The following RBFOX2 variants were observed in gnomAD, a reference collection of about 807,000 sequenced individuals.
RBFOX2 encodes the protein RNA binding fox-1 homolog 2.
Under a neutral mutation model 49.1 loss-of-function variants are expected in RBFOX2, and 10 were observed. The observed-to-expected ratio is 0.20, with a 90% CI of 0.13 to 0.35. The LOEUF (loss-of-function observed/expected upper bound fraction) is 0.35. Ranked by LOEUF, RBFOX2 falls within the 10% of genes least tolerant of loss-of-function variation. The pLI is 1.00. For synonymous variants in RBFOX2, 183 were observed against 187.4 expected (o/e 0.98, Z 0.19); for missense variants, 323 against 486.9 (o/e 0.66, Z 3.17).
intron 1 of RBFOX2, among the ~76,000 whole-genome samples, chr22:35,860,349 T>C (rs1038938321): frequency 1.3e-5 from 2 of 152,202 alleles, no homozygotes; most frequent in African/African-American, 4.8e-5. Context: ...CCAGATCAAC[T>C]AACCTGCCAA....
intron 2 of RBFOX2, among the ~76,000 whole-genome samples, chr22:35,807,300 A>G (rs887044583): frequency 1.3e-5 from 2 of 152,212 alleles, no homozygotes; most frequent in Non-Finnish European, 2.9e-5. Flanking sequence ...GGGACATTTC[A>G]TATTGATGAA....
intron 1 of RBFOX2, among the ~76,000 whole-genome samples, chr22:35,900,578 T>C (rs961367730): frequency 6.7e-6 from 1 of 149,602 alleles, no homozygotes; most frequent in Non-Finnish European, 1.5e-5. Context: ...ATGAGTATTG[T>C]CTATGAAGCT....
chr22:35,870,258 C>T (rs1181946960), intron 1 of RBFOX2, among the ~76,000 whole-genome samples: 3 of 152,138 alleles, frequency 2.0e-5, no homozygotes, highest in African/African-American at 7.2e-5. Flanking sequence ...CTTGCCATCC[C>T]AGCACTTTGG....
chr22:35,868,859 C>T (rs1396909451), intron 1 of RBFOX2, among the ~76,000 whole-genome samples: 2 of 152,196 alleles, frequency 1.3e-5, no homozygotes, highest in South Asian at 2.1e-4. Flanking sequence ...ACAATTCCTT[C>T]TTTAAGGTAT....
intron 2 of RBFOX2, among the ~76,000 whole-genome samples, chr22:35,784,923 C>T (rs1946082601): frequency 6.6e-6 from 1 of 152,218 alleles, no homozygotes; most frequent in Non-Finnish European, 1.5e-5. Flanking sequence ...AGGTGGCGAC[C>T]CACTCCACAG....
At chr22:35,992,544 A>C (rs540385177) in intron 1 of RBFOX2, 2 of 152,270 alleles carry the variant, frequency 1.3e-5, no homozygotes, top group Non-Finnish European at 2.9e-5. Context: ...AAAAAAATGA[A>C]ATCAAATGGT....
At chr22:35,997,182 C>CT (rs2058227667) in intron 1 of RBFOX2, 1 of 152,232 alleles carries the variant, frequency 6.6e-6, no homozygotes, top group Admixed American at 6.5e-5. Context: ...CCTGGGCTTA[C>CT]AGCTCAAATG....
intron 1 of RBFOX2, among the ~76,000 whole-genome samples, chr22:36,021,700 C>T (rs938036572): frequency 5.3e-5 from 8 of 152,202 alleles, no homozygotes; most frequent in African/African-American, 7.2e-5. Flanking sequence ...TAAATGACTT[C>T]CCAAACTACT....
intron 1 of RBFOX2, among the ~76,000 whole-genome samples, chr22:35,868,373 C>T (rs572736650): frequency 6.6e-6 from 1 of 152,286 alleles, no homozygotes; most frequent in South Asian, 2.1e-4. Context: ...TGTAGGTTAA[C>T]ACCATAGTGC....
intron 1 of RBFOX2, among the ~76,000 whole-genome samples, chr22:35,990,483 G>A (rs530780928): frequency 6.6e-6 from 1 of 152,288 alleles, no homozygotes; most frequent in South Asian, 2.1e-4. Context: ...GAGGCAGTGG[G>A]GGTAATTAAA....
rs184669744 is a variant in RBFOX2, at chr22:35,906,786, G to C, written c.-34+32061C>G. Among the ~76,000 whole-genome samples, 68 of 152,224 alleles carry C rather than the reference G, an allele frequency of 4.5e-4. No individual in the cohort carries two copies. In the East Asian group the frequency reaches 7.5e-3, roughly 17 times the overall value. On this transcript the variant is annotated intron_variant, in intron 1 of 13. Coordinates refer to the RBFOX2 transcript ENST00000359369. ...GCCAAGATCACGCCACTGCATCCCA[G>C]CCTGGCCAACAGAGCAAGACTCTGT...
intron 1 of RBFOX2, among the ~76,000 whole-genome samples, chr22:36,027,285 C>T: frequency 6.6e-6 from 1 of 152,182 alleles, no homozygotes; most frequent in East Asian, 1.9e-4. Flanking sequence ...CATCCTATGA[C>T]TCCGAGAGAA....
chr22:35,989,875 G>A (rs539557373), intron 1 of RBFOX2, among the ~76,000 whole-genome samples: 1 of 152,200 alleles, frequency 6.6e-6, no homozygotes, highest in African/African-American at 2.4e-5. Flanking sequence ...AAATCCCCAA[G>A]AGGTCACTTA....
chr22:35,982,681 C>T (rs1022297420), intron 1 of RBFOX2, among the ~76,000 whole-genome samples: 2 of 151,828 alleles, frequency 1.3e-5, no homozygotes, highest in African/African-American at 4.8e-5. Context: ...ACAGTCCCTA[C>T]AATGGAACAT....
At chr22:35,803,212 C>T (rs1025561281) in intron 2 of RBFOX2, among the ~76,000 whole-genome samples, 2 of 151,750 alleles carry the variant, frequency 1.3e-5, no homozygotes, top group East Asian at 1.9e-4. Flanking sequence ...TAACACCCCA[C>T]AGTCACTACA....
At chr22:36,024,383 A>G (rs555693141) in intron 1 of RBFOX2, among the ~76,000 whole-genome samples, 2 of 152,350 alleles carry the variant, frequency 1.3e-5, no homozygotes, top group East Asian at 3.9e-4. Flanking sequence ...AAGAGGCAAG[A>G]GTAGGATCGG....
chr22:35,834,532 A>C (rs951664846), intron 1 of RBFOX2, among the ~76,000 whole-genome samples: 4 of 152,188 alleles, frequency 2.6e-5, no homozygotes, highest in Non-Finnish European at 5.9e-5. Context: ...TGACAAGTGA[A>C]GACAAAGCAG....
chr22:35,795,233 C>A (rs1448282680), intron 2 of RBFOX2, among the ~76,000 whole-genome samples: 1 of 152,042 alleles, frequency 6.6e-6, no homozygotes, highest in African/African-American at 2.4e-5. Context: ...ATGTACCCTG[C>A]CTTTTATTAC....
At chr22:35,804,072 G>A (rs2147954660) in intron 2 of RBFOX2, among the ~76,000 whole-genome samples, 1 of 152,326 alleles carries the variant, frequency 6.6e-6, no homozygotes, top group Middle Eastern at 3.4e-3. Context: ...GAGGTCAGGT[G>A]TTTGAGACCA....
Sources: allele counts gnomAD v4.1 joint callset (sites outside exome capture counted in the v4.1 genomes callset), GRCh38; gene constraint gnomAD v4.1.1; transcripts MANE v1.5; gene names NCBI Gene and HGNC (gene_info 2026-07-23, HGNC 2026-07-21).